KIAA0232: variants seen among roughly 807,000 people sequenced by gnomAD.
The protein encoded by KIAA0232 is uncharacterized protein KIAA0232.
A neutral mutation model predicts 122.0 loss-of-function variants in KIAA0232; 27 were observed. That is an observed-to-expected ratio of 0.22 (90% CI 0.16 to 0.31). KIAA0232 has a LOEUF of 0.31. KIAA0232 is among the 10% of genes least tolerant of loss of function. The pLI is 1.00. For missense variants in KIAA0232, 1,551 were observed against 1,634.2 expected (o/e 0.95, Z 0.88); for synonymous variants, 613 against 587.6 (o/e 1.04, Z -0.63).
intron 1 of KIAA0232, among the ~76,000 whole-genome samples, chr4:6,797,727 C>T (rs1717191346): frequency 6.9e-6 from 1 of 144,230 alleles, no homozygotes; most frequent in African/African-American, 2.6e-5. Flanking sequence ...GATTGCACTA[C>T]TGTGCTCCAG....
chr4:6,812,632 G>T (rs1433418240), intron 2 of KIAA0232, among the ~76,000 whole-genome samples: 3 of 152,176 alleles, frequency 2.0e-5, no homozygotes, highest in Admixed American at 6.5e-5. Flanking sequence ...TTAAAACTTT[G>T]CTAATAAAGA....
At chr4:6,876,819 C>T in intron 9 of KIAA0232, 62 bp downstream of exon 9, 1 of 1,210,878 alleles carries the variant, frequency 8.3e-7, no homozygotes, top group Non-Finnish European at 1.2e-6. Flanking sequence ...CCAGTTGTCA[C>T]TGTAGTCAAA....
chr4:6,841,524 A>G lies in KIAA0232; in HGVS notation c.232-543A>G, dbSNP rs555193991. Among the ~76,000 whole-genome samples, 49 of 152,328 alleles carry G rather than the reference A, an allele frequency of 3.2e-4. No homozygotes were observed. In the East Asian group the frequency reaches 8.1e-3, roughly 25 times the overall value. On this transcript the variant is annotated intron_variant, in intron 3 of 9. Transcript: ENST00000307659. The stretch of plus-strand genomic sequence containing the variant: ...GCATTTGGCAATTTCTATTTGTGTG[A>G]AGACATTTTCAAAGATGAAATACAT...
chr4:6,836,240 T>C (rs1427137984), intron 3 of KIAA0232, among the ~76,000 whole-genome samples: 1 of 152,206 alleles, frequency 6.6e-6, no homozygotes, highest in Non-Finnish European at 1.5e-5. Context: ...CATTTTTTCA[T>C]ATGTCTGTTG....
chr4:6,836,960 G>A (rs963805911), intron 3 of KIAA0232, among the ~76,000 whole-genome samples: 7 of 152,154 alleles, frequency 4.6e-5, no homozygotes, highest in East Asian at 1.9e-4. Flanking sequence ...ACACAGACAC[G>A]GTAACAATCT....
At chr4:6,797,771 CAAA>C (rs963052887) in intron 1 of KIAA0232, among the ~76,000 whole-genome samples, 5 of 47,332 alleles carry the variant, frequency 1.1e-4, no homozygotes, top group African/African-American at 7.5e-5. Flanking sequence ...CCCTGCCTCT[CAAA>C]AAAAAAAAAA....
chr4:6,819,251 A>G (rs1718302458), intron 2 of KIAA0232, among the ~76,000 whole-genome samples: 1 of 152,192 alleles, frequency 6.6e-6, no homozygotes, highest in South Asian at 2.1e-4. Flanking sequence ...GAGCTTATGT[A>G]CAGCAAAAGA....
chr4:6,795,391 TTGCA>T (rs1717088138), intron 1 of KIAA0232, among the ~76,000 whole-genome samples: 1 of 152,112 alleles, frequency 6.6e-6, no homozygotes. Context: ...CTTTTGAACT[TTGCA>T]TGCAGCTAAT....
intron 7 of KIAA0232, among the ~76,000 whole-genome samples, chr4:6,869,252 A>ATAAGCAGTGTATT (rs1721343577): frequency 6.6e-6 from 1 of 152,244 alleles, no homozygotes; most frequent in African/African-American, 2.4e-5. Flanking sequence ...GGATGAAAAG[A>ATAAGCAGTGTATT]TAAGCAGTGT....
chr4:6,841,222 A>G (rs942703928), intron 3 of KIAA0232, among the ~76,000 whole-genome samples: 14 of 152,360 alleles, frequency 9.2e-5, no homozygotes, highest in South Asian at 4.1e-4. Flanking sequence ...CTCCATCCCC[A>G]CACAAATTTA....
intron 6 of KIAA0232, among the ~76,000 whole-genome samples, chr4:6,858,985 C>G (rs1159538664): frequency 6.6e-6 from 1 of 151,660 alleles, no homozygotes; most frequent in African/African-American, 2.4e-5. Context: ...GTAATCCCAG[C>G]TACTCAGGAG....
At chr4:6,872,271 C>T (rs958133690) in intron 8 of KIAA0232, among the ~76,000 whole-genome samples, 1 of 152,090 alleles carries the variant, frequency 6.6e-6, no homozygotes, top group Non-Finnish European at 1.5e-5. Flanking sequence ...TAAGCCCTTG[C>T]AGTAGTTTGG....
intron 2 of KIAA0232, among the ~76,000 whole-genome samples, chr4:6,806,963 G>A (rs1717644505): frequency 3.3e-5 from 5 of 151,720 alleles, no homozygotes; most frequent in Admixed American, 3.3e-4. Flanking sequence ...CTGAATCTAT[G>A]TAGAACTGAT....
chr4:6,829,361 T>C (rs910103562), intron 3 of KIAA0232, among the ~76,000 whole-genome samples: 1 of 152,212 alleles, frequency 6.6e-6, no homozygotes, highest in Non-Finnish European at 1.5e-5. Context: ...AGGGAGACTT[T>C]GATACTTTTA....
At chr4:6,824,964 T>G (rs1277517017) in intron 3 of KIAA0232, among the ~76,000 whole-genome samples, 8 of 152,252 alleles carry the variant, frequency 5.3e-5, no homozygotes, top group Admixed American at 5.2e-4. Flanking sequence ...GGTCATAGTT[T>G]GGTGACCTGC....
chr4:6,793,798 C>T (rs937740153), intron 1 of KIAA0232, among the ~76,000 whole-genome samples: 2 of 152,066 alleles, frequency 1.3e-5, no homozygotes, highest in Non-Finnish European at 2.9e-5. Context: ...ATGTAAGCCT[C>T]CTGAGAACTC....
At chr4:6,783,021 T>C (rs570828705) in intron 1 of KIAA0232, among the ~76,000 whole-genome samples, 180 bp downstream of exon 1, 89 of 130,082 alleles carry the variant, frequency 6.8e-4, no homozygotes, top group South Asian at 2.1e-3. Context: ...CCGTGGGCTC[T>C]GGGGCCAGCC....
At chr4:6,826,699 T>A (rs1013098762) in intron 3 of KIAA0232, among the ~76,000 whole-genome samples, 6 of 152,132 alleles carry the variant, frequency 3.9e-5, no homozygotes, top group African/African-American at 1.2e-4. Flanking sequence ...CTCTTTCTGT[T>A]GCCTAGGCTG....
In KIAA0232 at chr4:6,841,761, T is replaced by C. The variant is rs545770215; in HGVS notation, c.232-306T>C. ...AAAAATTTGACAAAAGTGCAAGACTTGTGCACCAAAAACTATAAAGCATCT... is the reference window on the plus strand; with the variant it reads ...AAAAATTTGACAAAAGTGCAAGACTCGTGCACCAAAAACTATAAAGCATCT... On this transcript the variant is annotated intron_variant, in intron 3 of 9. Transcript: ENST00000307659. 3.9e-5 allele frequency among the ~76,000 whole-genome samples: 6 copies of C among 152,238 alleles called. No individual in the cohort carries two copies. The East Asian group carries it at 1.2e-3, about 29-fold the overall frequency.
Sources: allele counts gnomAD v4.1 joint callset (sites outside exome capture counted in the v4.1 genomes callset), GRCh38; gene constraint gnomAD v4.1.1; transcripts MANE v1.5; gene names NCBI Gene and HGNC (gene_info 2026-07-23, HGNC 2026-07-21).